Variants in SLC20A2 observed in about 807,000 individuals in gnomAD.
SLC20A2 encodes solute carrier family 20 member 2.
Under a neutral mutation model 61.0 loss-of-function variants are expected in SLC20A2, and 30 were observed. The ratio of observed to expected loss-of-function variants is 0.49; its 90% CI spans 0.37 to 0.67. The LOEUF (loss-of-function observed/expected upper bound fraction) is 0.67. Among genes scored for constraint, SLC20A2 ranks in the 30% least tolerant of loss-of-function variants. SLC20A2 has a pLI of 0.00. For synonymous variants in SLC20A2, 351 were observed against 353.3 expected (o/e 0.99, Z 0.07); for missense variants, 626 against 866.4 (o/e 0.72, Z 3.48).
At chr8:42,525,006 A>G (rs1284339270) in intron 1 of SLC20A2, among the ~76,000 whole-genome samples, 1 of 152,096 alleles carries the variant, frequency 6.6e-6, no homozygotes, top group African/African-American at 2.4e-5. Flanking sequence ...TTTTACTCTG[A>G]GAATGCTGTT....
chr8:42,541,660 C>G (rs1813183369), intron 1 of SLC20A2: 1 of 149,810 alleles, frequency 6.7e-6, no homozygotes, highest in Non-Finnish European at 1.5e-5. Context: ...TAAAGAGCCC[C>G]GGAGCGGAGC....
intron 1 of SLC20A2, among the ~76,000 whole-genome samples, chr8:42,522,876 AAT>A (rs1388475175): frequency 0.023 from 2,305 of 98,232 alleles, 46 homozygotes; most frequent in South Asian, 0.054. Flanking sequence ...GGCTAATAAT[AAT>A]AAAAAAAAAA....
rs115299677 is a variant in SLC20A2, at chr8:42,524,758, C to G, written c.-265+17063G>C. Among the ~76,000 whole-genome samples, 1,213 of 151,122 alleles carry G rather than the reference C, an allele frequency of 8.0e-3. 10 individuals carry two copies. The highest frequency in any genetic ancestry group is 0.028 in the African/African-American group (1,161 of 41,176). ...CCAAGACTGTGCCATTGCACTCCAGCTTAAGCAACAAGAGCAAAACTCCAT... is the reference window on the plus strand; with the variant it reads ...CCAAGACTGTGCCATTGCACTCCAGGTTAAGCAACAAGAGCAAAACTCCAT... On this transcript the variant is annotated intron_variant, in intron 1 of 10. Transcript: ENST00000342228.
At chr8:42,454,462 C>A (rs1275098326) in intron 5 of SLC20A2, among the ~76,000 whole-genome samples, 2 of 152,048 alleles carry the variant, frequency 1.3e-5, no homozygotes, top group African/African-American at 4.8e-5. Flanking sequence ...CTACTCCTGG[C>A]CTTACTTTAT....
chr8:42,524,331 A>G (rs1811781968), intron 1 of SLC20A2, among the ~76,000 whole-genome samples: 1 of 152,174 alleles, frequency 6.6e-6, no homozygotes, highest in Non-Finnish European at 1.5e-5. Context: ...TTTACTTCAA[A>G]ATAACATGGT....
At chr8:42,536,210 C>T (rs768389392) in intron 1 of SLC20A2, 2 of 152,112 alleles carry the variant, frequency 1.3e-5, no homozygotes, top group Admixed American at 6.6e-5. Context: ...CAGGCCATCC[C>T]GAAATATATG....
chr8:42,425,782 T>C (rs918390670), intron 10 of SLC20A2, among the ~76,000 whole-genome samples: 3 of 151,946 alleles, frequency 2.0e-5, no homozygotes, highest in Non-Finnish European at 4.4e-5. Flanking sequence ...GTGGCTCATG[T>C]CTGTAATCCC....
intron 1 of SLC20A2, among the ~76,000 whole-genome samples, chr8:42,510,674 C>G (rs1810978286): frequency 6.6e-6 from 1 of 151,956 alleles, no homozygotes; most frequent in South Asian, 2.1e-4. Flanking sequence ...TTTAACAGAG[C>G]CATATTCCTG....
intron 8 of SLC20A2, among the ~76,000 whole-genome samples, chr8:42,433,648 A>C (rs1804032884): frequency 6.6e-6 from 1 of 152,188 alleles, no homozygotes. Context: ...CACTTAGCCT[A>C]ATGTCCTCCA....
intron 1 of SLC20A2, among the ~76,000 whole-genome samples, chr8:42,516,508 T>A (rs1811331091): frequency 6.6e-6 from 1 of 152,200 alleles, no homozygotes; most frequent in Non-Finnish European, 1.5e-5. Context: ...GCGCATCCTA[T>A]TGCTGGAGAG....
At chr8:42,429,476 G>C (rs1228927985) in intron 9 of SLC20A2, among the ~76,000 whole-genome samples, 3 of 152,158 alleles carry the variant, frequency 2.0e-5, no homozygotes, top group African/African-American at 7.2e-5. Context: ...GTTTTAAAAA[G>C]ACAGAGATTT....
chr8:42,526,656 G>A (rs921267969), intron 1 of SLC20A2, among the ~76,000 whole-genome samples: 3 of 135,728 alleles, frequency 2.2e-5, no homozygotes, highest in Non-Finnish European at 4.7e-5. Flanking sequence ...CTGGGCGACA[G>A]AGAGAGACTC....
chr8:42,533,934 C>T (rs1812539934), intron 1 of SLC20A2, among the ~76,000 whole-genome samples: 1 of 136,600 alleles, frequency 7.3e-6, no homozygotes, highest in Non-Finnish European at 1.6e-5. Flanking sequence ...CCATGCCCGG[C>T]CCTGTTCGTT....
upstream of SLC20A2, among the ~76,000 whole-genome samples, chr8:42,506,044 GA>G (rs1029233226): frequency 1.3e-5 from 2 of 152,034 alleles, no homozygotes; most frequent in African/African-American, 4.8e-5. Flanking sequence ...TGTGTTCAAG[GA>G]TTCTCCTGCC....
intron 1 of SLC20A2, among the ~76,000 whole-genome samples, chr8:42,538,974 G>A (rs897339826): frequency 1.3e-5 from 2 of 152,156 alleles, no homozygotes; most frequent in Non-Finnish European, 2.9e-5. Flanking sequence ...GAGGTCAGGA[G>A]ATCGAGACCA....
intron 5 of SLC20A2, among the ~76,000 whole-genome samples, chr8:42,459,235 CAAAAAAAAAAA>C (rs756966778): frequency 8.3e-5 from 3 of 36,076 alleles, no homozygotes; most frequent in African/African-American, 1.3e-4. Context: ...GACTCTATCT[CAAAAAAAAAAA>C]AAAAAAAAAA....
intron 1 of SLC20A2, among the ~76,000 whole-genome samples, chr8:42,530,269 T>C (rs370159522): frequency 6.6e-6 from 1 of 152,138 alleles, no homozygotes; most frequent in East Asian, 1.9e-4. Flanking sequence ...TTTTCTACAT[T>C]AGAAATGCAG....
At chr8:42,509,573 T>TA (rs59700739) in intron 1 of SLC20A2, among the ~76,000 whole-genome samples, 44 of 148,520 alleles carry the variant, frequency 3.0e-4, no homozygotes, top group Non-Finnish European at 3.6e-4. Context: ...TCTCTAAAAA[T>TA]AAAAAAAAAA....
At position 42,437,990 on chromosome 8, in the gene SLC20A2, T is replaced by G. The variant is rs1199115952; in HGVS notation, c.935-413A>C. Among the ~76,000 whole-genome samples the G allele has an allele frequency of 6.8e-6, 1 of 148,056 alleles. No homozygotes were observed. ...TTATCTCCAGAAGGCTGGGGATGAC[T>G]TATTAACATATACTTTCTTTTCTAA... On this transcript the variant is annotated intron_variant, in intron 7 of 10. Transcript: ENST00000520262. This position sits in a 1 kb window ranked among gnomAD's most constrained non-coding sequence, Gnocchi z 6.4.
Sources: gnomAD v4.1 joint callset for allele counts (sites outside exome capture counted in the v4.1 genomes callset) on GRCh38, gnomAD v4.1.1 for gene constraint, Gnocchi (gnomAD v3.1) non-coding constraint, MANE v1.5 for transcripts, NCBI Gene and HGNC (gene_info 2026-07-23, HGNC 2026-07-21) for gene names.